The following HDAC4 variants were observed in gnomAD, a reference collection of about 807,000 sequenced individuals.
The protein encoded by HDAC4 is histone deacetylase 4, also known as histone deacetylase A.
Under a neutral mutation model 135.1 loss-of-function variants are expected in HDAC4, and 16 were observed. That is an observed-to-expected ratio of 0.12 (90% CI 0.08 to 0.18). The LOEUF is 0.18. Ranked by LOEUF, HDAC4 falls within the 10% of genes least tolerant of loss-of-function variation. The probability of loss-of-function intolerance (pLI) is 1.00; values close to 1 mark genes in which losing one functional copy is unlikely to be tolerated. For synonymous variants in HDAC4, 685 were observed against 653.4 expected (o/e 1.05, Z -0.74); for missense variants, 1,143 against 1,511.8 (o/e 0.76, Z 4.05).
At chr2:239,345,816 G>A (rs1452105418) in intron 2 of HDAC4, among the ~76,000 whole-genome samples, 4 of 117,754 alleles carry the variant, frequency 3.4e-5, no homozygotes, top group African/African-American at 9.9e-5. Context: ...CATACACATC[G>A]TCTAAAATAC....
Position 239,084,206 on chromosome 2 carries a change from G to C in HDAC4, c.2481C>G (p.Ala827=), listed in dbSNP as rs752867228. The C allele has an allele frequency of 6.2e-7, 1 of 1,613,322 alleles. No homozygotes were observed. The highest frequency in any genetic ancestry group is 8.5e-7 in the Non-Finnish European group (1 of 1,179,598). Residue 827 remains alanine (A), a synonymous_variant, in exon 20 of 27, where the codon GCC becomes GCG. Coordinates refer to ENST00000543185, the MANE Select transcript of HDAC4 (RefSeq NM_001378414.1). ...FCYFNSVAVA[A]KLLQQRLSVS... ...CGCTCAACCTCTGCTGCAGAAGCTT[G>C]GCTGCCACGGCCACGGAGTTGAAGT...
intron 4 of HDAC4, among the ~76,000 whole-genome samples, chr2:239,189,081 G>A (rs674540): frequency 0.87 from 132,602 of 152,020 alleles, 57,855 homozygotes; most frequent in South Asian, 0.97. Context: ...AGATAACTTA[G>A]TCTGGTTTTG....
intron 15 of HDAC4, among the ~76,000 whole-genome samples, chr2:239,104,863 G>C (rs1328119663): frequency 6.6e-6 from 1 of 152,254 alleles, no homozygotes; most frequent in Non-Finnish European, 1.5e-5. Context: ...AGGCAAAGAA[G>C]AAAAGTAGAA....
At chr2:239,132,616 C>T (rs1387267097) in intron 11 of HDAC4, among the ~76,000 whole-genome samples, 1 of 152,194 alleles carries the variant, frequency 6.6e-6, no homozygotes, top group African/African-American at 2.4e-5. Context: ...GATGAGCGCA[C>T]ACAGGGAAGA....
chr2:239,207,998 G>C (rs951713932), intron 3 of HDAC4, among the ~76,000 whole-genome samples: 14 of 152,000 alleles, frequency 9.2e-5, no homozygotes, highest in African/African-American at 3.4e-4. Flanking sequence ...AAAGACAGCA[G>C]ACCAATACAC....
rs377387578 is a variant in HDAC4 at position 239,236,560 on chromosome 2, C to A, written c.94+33G>T. On this transcript the variant is annotated intron_variant, in intron 3 of 26. Transcript: ENST00000543185. ...AACACCTCTTTGGCTCAGCGCAGGGCCGGCCGGACAGGGCAGGGGTGGGCG... is the reference window on the plus strand; with the variant it reads ...AACACCTCTTTGGCTCAGCGCAGGGACGGCCGGACAGGGCAGGGGTGGGCG... The A allele has an allele frequency of 3.9e-4, 604 of 1,533,740 alleles. 1 individual carries two copies. The highest frequency in any genetic ancestry group is 8.1e-4 in the African/African-American group (59 of 72,756).
intron 1 of HDAC4, among the ~76,000 whole-genome samples, chr2:239,360,597 G>A (rs1264932336): frequency 1.3e-5 from 2 of 152,184 alleles, no homozygotes; most frequent in African/African-American, 4.8e-5. Context: ...CACACCCCCG[G>A]ACTCTGGCTT....
At chr2:239,242,558 T>C (rs10170911) in intron 2 of HDAC4, among the ~76,000 whole-genome samples, 41,878 of 152,142 alleles carry the variant, frequency 0.28, 6,173 homozygotes, top group East Asian at 0.39. Flanking sequence ...TATCGTGTAT[T>C]TTCTACATAT....
Position 239,352,809 on chromosome 2 carries a change from G to T in HDAC4, c.-110C>A. On this transcript the variant is annotated 5_prime_UTR_variant, in exon 2 of 27. Coordinates refer to ENST00000543185, the MANE Select transcript of HDAC4 (RefSeq NM_001378414.1). This position sits in a 1 kb window ranked among gnomAD's most constrained non-coding sequence, Gnocchi z 4.4. Reference sequence around the variant, plus strand: ...CACCAACACATACAAGTACCGGGACGGTGAGGGCTGGGTCACAGACGTTCA... The same window carrying T: ...CACCAACACATACAAGTACCGGGACTGTGAGGGCTGGGTCACAGACGTTCA... The T allele has an allele frequency of 9.1e-7, 1 of 1,099,808 alleles. No homozygotes were observed. Among genetic ancestry groups the T allele is most frequent in the South Asian group, 1.3e-5 (1 of 74,796 alleles). 68.1% of individuals were successfully genotyped at this position (1,099,808 alleles called of 1,614,324 possible).
At chr2:239,386,702 C>T (rs549899025) in intron 1 of HDAC4, among the ~76,000 whole-genome samples, 29 of 152,194 alleles carry the variant, frequency 1.9e-4, no homozygotes, top group Non-Finnish European at 4.0e-4. Flanking sequence ...AACGTAGTCA[C>T]GACCTAGAGG....
intron 1 of HDAC4, among the ~76,000 whole-genome samples, chr2:239,357,545 T>A (rs1175660860): frequency 6.6e-6 from 1 of 151,730 alleles, no homozygotes. Context: ...GATAAACTTC[T>A]AGCAGAGCTG....
intron 3 of HDAC4, among the ~76,000 whole-genome samples, chr2:239,222,116 CA>C (rs1359920884): frequency 6.6e-6 from 1 of 152,186 alleles, no homozygotes; most frequent in Non-Finnish European, 1.5e-5. Context: ...AGGCCAGAAA[CA>C]GATCAGAAAC....
At chr2:239,172,293 AATAT>A (rs1252131295) in intron 5 of HDAC4, among the ~76,000 whole-genome samples, 2 of 115,052 alleles carry the variant, frequency 1.7e-5, no homozygotes, top group African/African-American at 6.3e-5. Flanking sequence ...GGTGAAAAAA[AATAT>A]ATATATATAT....
At position 239,115,420 on chromosome 2, in the gene HDAC4, T is replaced by G; in HGVS notation, c.1534-110A>C. 1 of 1,365,458 alleles carries G rather than the reference T, an allele frequency of 7.3e-7. No homozygotes were observed. The highest frequency in any genetic ancestry group is 1.0e-6 in the Non-Finnish European group (1 of 978,360). The allele number at this position is 1,365,458 out of a possible 1,614,324, so 84.6% of individuals were successfully genotyped here. A position where few individuals can be genotyped will look rare whatever the true frequency, so the allele number is the denominator to read the frequency against. ...CCCTCTGGGGCAGACAATCAGGGAC[T>G]CAGGGCACCTTATCACCCTGCCACA... On this transcript the variant is annotated intron_variant, in intron 12 of 26. Transcript: ENST00000543185. The surrounding 1 kb of genome is among the most constrained non-coding windows in gnomAD (Gnocchi z 6.3).
chr2:239,116,285 G>C (rs929869621), intron 12 of HDAC4, among the ~76,000 whole-genome samples: 2 of 152,206 alleles, frequency 1.3e-5, no homozygotes, highest in Non-Finnish European at 2.9e-5. Flanking sequence ...TTAGCCTAGA[G>C]TGCCCATGAG....
At chr2:239,333,545 G>C (rs1281334662) in intron 2 of HDAC4, among the ~76,000 whole-genome samples, 1 of 151,866 alleles carries the variant, frequency 6.6e-6, no homozygotes, top group Middle Eastern at 3.2e-3. Context: ...TATATAAAAA[G>C]AATAACACAT....
chr2:239,287,683 G>C (rs1399327793), intron 2 of HDAC4, among the ~76,000 whole-genome samples: 1 of 152,108 alleles, frequency 6.6e-6, no homozygotes, highest in Non-Finnish European at 1.5e-5. Context: ...TTAAAACACA[G>C]AAAGCTGACT....
intron 2 of HDAC4, among the ~76,000 whole-genome samples, chr2:239,290,175 A>G (rs1220347814): frequency 1.3e-5 from 2 of 152,154 alleles, no homozygotes; most frequent in Non-Finnish European, 2.9e-5. Flanking sequence ...ATATATCAAC[A>G]TTTTTACTAA....
chr2:239,352,289 C>T lies in HDAC4; in HGVS notation c.22+389G>A, dbSNP rs1370647228. The stretch of plus-strand genomic sequence containing the variant: ...GCTTCTTCCCAGACAGCCCAGACGC[C>T]CAGTTGGAGGAGCACTCCCACCCCT... On this transcript the variant is annotated intron_variant, in intron 2 of 26. Coordinates refer to ENST00000543185, the MANE Select transcript of HDAC4 (RefSeq NM_001378414.1). The surrounding 1 kb of genome is among the most constrained non-coding windows in gnomAD (Gnocchi z 4.4). Among the ~76,000 whole-genome samples the T allele has an allele frequency of 6.6e-6, 1 of 152,094 alleles. No individual in the cohort carries two copies. The highest frequency in any genetic ancestry group is 1.5e-5 in the Non-Finnish European group (1 of 68,012).
Sources: gnomAD v4.1 joint callset for allele counts (sites outside exome capture counted in the v4.1 genomes callset) on GRCh38, gnomAD v4.1.1 for gene constraint, Gnocchi (gnomAD v3.1) non-coding constraint, MANE v1.5 for transcripts, NCBI Gene and HGNC (gene_info 2026-07-23, HGNC 2026-07-21) for gene names.